ATF3: variants seen among roughly 807,000 people sequenced by gnomAD.
The protein encoded by ATF3 is cyclic AMP-dependent transcription factor ATF-3.
A neutral mutation model predicts 18.4 loss-of-function variants in ATF3; 10 were observed. That is an observed-to-expected ratio of 0.54 (90% CI 0.34 to 0.92). The LOEUF (loss-of-function observed/expected upper bound fraction) is 0.92. ATF3 is among the 40% of genes least tolerant of loss of function. The probability of loss-of-function intolerance (pLI) is 0.02; values close to 1 mark genes in which losing one functional copy is unlikely to be tolerated. For synonymous variants in ATF3, 78 were observed against 87.9 expected (o/e 0.89, Z 0.63); for missense variants, 183 against 222.3 (o/e 0.82, Z 1.12).
At chr1:212,566,821 G>T (rs922160984) in intron 1 of ATF3, among the ~76,000 whole-genome samples, 1 of 152,152 alleles carries the variant, frequency 6.6e-6, no homozygotes, top group African/African-American at 2.4e-5. Context: ...TCCTATTGGT[G>T]CCCAAGAGGA....
In ATF3 at chr1:212,618,839, CCCT is replaced by C; in HGVS notation, c.349-513_349-511del. On this transcript the variant is annotated intron_variant, in intron 3 of 3. Coordinates refer to ENST00000341491, the MANE Select transcript of ATF3 (RefSeq NM_001674.4). The surrounding 1 kb of genome is among the most constrained non-coding windows in gnomAD (Gnocchi z 4.4). ...TCAGCAGTCTTTCCAGTGGCTGTGT[CCCT>C]CCTCCAAATGTGGACAGGCCATGAC... is the stretch of plus-strand genomic sequence containing the variant. 1.5e-6 allele frequency: 1 copy of C among 647,052 alleles called. No homozygotes were observed. Among genetic ancestry groups the C allele is most frequent in the Admixed American group, 2.5e-5 (1 of 40,418 alleles). 40.1% of individuals were successfully genotyped at this position (647,052 alleles called of 1,614,324 possible). A position where few individuals can be genotyped will look rare whatever the true frequency, so the allele number is the denominator to read the frequency against.
chr1:212,607,624 C>A (rs956932073), upstream of ATF3, among the ~76,000 whole-genome samples: 3 of 152,248 alleles, frequency 2.0e-5, no homozygotes, highest in Non-Finnish European at 4.4e-5. Context: ...CGTCCCCATT[C>A]CGGGCCGTCC....
chr1:212,591,236 C>A (rs1664878713), intron 1 of ATF3, among the ~76,000 whole-genome samples: 1 of 152,226 alleles, frequency 6.6e-6, no homozygotes, highest in Admixed American at 6.5e-5. Context: ...GCCTCCTGCA[C>A]CGCAGTCTCC....
intron 1 of ATF3, among the ~76,000 whole-genome samples, chr1:212,574,428 T>G (rs1664537822): frequency 6.6e-6 from 1 of 152,080 alleles, no homozygotes; most frequent in Non-Finnish European, 1.5e-5. Context: ...TCTTAAAATA[T>G]CTCTCATTTT....
chr1:212,615,372 C>A, intron 2 of ATF3, 111 bp downstream of exon 2: 4 of 1,357,240 alleles, frequency 2.9e-6, no homozygotes, highest in Non-Finnish European at 4.0e-6. Context: ...ACAAACAAAA[C>A]CACTGCCCTC....
At chr1:212,614,090 G>T (rs1056320544) in intron 1 of ATF3, 2 of 152,132 alleles carry the variant, frequency 1.3e-5, no homozygotes, top group Non-Finnish European at 2.9e-5. Context: ...CCAGGCTCTG[G>T]GTAAAGCAAT....
chr1:212,618,045 T>C lies in ATF3; in HGVS notation c.241-82T>C. ...TAGCATTGCCCTTGTCTGCCAGCTT[T>C]TGCTGGCAGTAAAAGGCAGTGTATT... On this transcript the variant is annotated intron_variant, in intron 2 of 3. Transcript: ENST00000341491. This position sits in a 1 kb window ranked among gnomAD's most constrained non-coding sequence, Gnocchi z 4.4. The C allele has an allele frequency of 7.1e-7, 1 of 1,417,340 alleles. No homozygotes were observed. Among genetic ancestry groups the C allele is most frequent in the Non-Finnish European group, 9.9e-7 (1 of 1,010,716 alleles). The allele number at this position is 1,417,340 out of a possible 1,614,324, so 87.8% of individuals were successfully genotyped here.
intron 1 of ATF3, among the ~76,000 whole-genome samples, chr1:212,587,670 A>C (rs972558574): frequency 1.3e-5 from 2 of 152,248 alleles, no homozygotes; most frequent in Non-Finnish European, 2.9e-5. Context: ...CCAGCCTTTC[A>C]AATGGAACTT....
At chr1:212,588,798 A>G (rs1254617299) in intron 1 of ATF3, among the ~76,000 whole-genome samples, 1 of 151,888 alleles carries the variant, frequency 6.6e-6, no homozygotes, top group Non-Finnish European at 1.5e-5. Context: ...GACATTATCT[A>G]TTTCTTTCTT....
At chr1:212,592,342 T>A (rs1002380571) in intron 1 of ATF3, among the ~76,000 whole-genome samples, 1 of 152,112 alleles carries the variant, frequency 6.6e-6, no homozygotes, top group Non-Finnish European at 1.5e-5. Flanking sequence ...TTTAAGATAA[T>A]AATCACAACA....
chr1:212,611,971 A>T (rs1417338428), intron 1 of ATF3, among the ~76,000 whole-genome samples: 2 of 152,174 alleles, frequency 1.3e-5, no homozygotes, highest in African/African-American at 4.8e-5. Context: ...ATGTTTGAGG[A>T]TCTCAACTTT....
chr1:212,583,995 G>T (rs1327441448), intron 1 of ATF3, among the ~76,000 whole-genome samples: 2 of 152,142 alleles, frequency 1.3e-5, no homozygotes, highest in East Asian at 3.9e-4. Flanking sequence ...TGCCCTCATG[G>T]TAGGTGAAAC....
At chr1:212,605,397 A>G (rs1333590520), upstream of ATF3, among the ~76,000 whole-genome samples, 1 of 152,210 alleles carries the variant, frequency 6.6e-6, no homozygotes, top group African/African-American at 2.4e-5. Flanking sequence ...AGAATAAAGT[A>G]TAAGAAAATG....
intron 1 of ATF3, among the ~76,000 whole-genome samples, chr1:212,603,536 G>T (rs1654540953): frequency 1.3e-5 from 2 of 152,174 alleles, no homozygotes; most frequent in Admixed American, 1.3e-4. Context: ...CCTGAGCAAT[G>T]ATGGTATTTG....
upstream of ATF3, among the ~76,000 whole-genome samples, chr1:212,607,895 C>G (rs562321336): frequency 6.7e-6 from 1 of 148,448 alleles, no homozygotes; most frequent in Admixed American, 6.6e-5. Context: ...CAATTTCAAA[C>G]GCTTTGTGAT....
At chr1:212,614,253 A>T (rs114185216) in intron 1 of ATF3, 1 of 152,458 alleles carries the variant, frequency 6.6e-6, no homozygotes, top group Non-Finnish European at 1.5e-5. Flanking sequence ...GCCTAAGTCT[A>T]TCCCTATACC....
chr1:212,585,654 A>T (rs546480285), intron 1 of ATF3, among the ~76,000 whole-genome samples: 1 of 152,296 alleles, frequency 6.6e-6, no homozygotes, highest in East Asian at 1.9e-4. Flanking sequence ...TGTAATTCTT[A>T]GTTTCTGAAC....
chr1:212,593,301 G>A (rs565313804), intron 1 of ATF3, among the ~76,000 whole-genome samples: 1 of 126,338 alleles, frequency 7.9e-6, no homozygotes, highest in Admixed American at 8.4e-5. Flanking sequence ...GGGGTGGGGG[G>A]AGGGGGTAGG....
chr1:212,579,806 C>T (rs1263326031), intron 1 of ATF3, among the ~76,000 whole-genome samples: 4 of 152,062 alleles, frequency 2.6e-5, no homozygotes, highest in African/African-American at 7.2e-5. Context: ...AGATCCCAGC[C>T]GATGTGGAGT....
Sources: allele counts gnomAD v4.1 joint callset (sites outside exome capture counted in the v4.1 genomes callset), GRCh38; gene constraint gnomAD v4.1.1; non-coding constraint Gnocchi (gnomAD v3.1); transcripts MANE v1.5; gene names NCBI Gene and HGNC (gene_info 2026-07-23, HGNC 2026-07-21).